RNF41: variants seen among roughly 807,000 people sequenced by gnomAD.
The protein encoded by RNF41 is E3 ubiquitin-protein ligase NRDP1.
Under a neutral mutation model 33.0 loss-of-function variants are expected in RNF41, and 4 were observed. That is an observed-to-expected ratio of 0.12 (90% confidence interval 0.06 to 0.28). RNF41 has a LOEUF of 0.28. Ranked by LOEUF, RNF41 falls within the 10% of genes least tolerant of loss-of-function variation. The pLI is 1.00. For missense variants in RNF41, 228 were observed against 432.6 expected, an observed-to-expected ratio of 0.53 and a Z score of 4.19; for synonymous variants, 164 against 153.2, an observed-to-expected ratio of 1.07 and a Z score of -0.52.
In RNF41 at chr12:56,210,473, G is replaced by A. The variant is rs746257327; in HGVS notation, c.186C>T (p.Val62=). ...TCPVDRSVVT[V]AHLRPVPRIM... ...TCCGAGGTACTGGGCGCAGATGGGC[G>A]ACCGTCACAACACTACGGTCCACTG... Residue 62 remains valine (V), a synonymous_variant, in exon 4 of 7, where the codon GTC becomes GTT. Coordinates refer to ENST00000345093, the MANE Select transcript of RNF41 (RefSeq NM_005785.4). The A allele has an allele frequency of 2.2e-5, 35 of 1,614,074 alleles. No individual in the cohort carries two copies. Among genetic ancestry groups the A allele is most frequent in the East Asian group, 4.5e-5 (2 of 44,896 alleles).
At chr12:56,213,806 G>A in intron 3 of RNF41, 152 bp downstream of exon 3, 1 of 638,112 alleles carries the variant, frequency 1.6e-6, no homozygotes, top group Non-Finnish European at 2.8e-6. Flanking sequence ...TATTCTTGTA[G>A]TCACCATTAC....
intron 4 of RNF41, among the ~76,000 whole-genome samples, chr12:56,209,101 G>A (rs926148509): frequency 2.0e-5 from 3 of 151,674 alleles, no homozygotes; most frequent in Non-Finnish European, 4.4e-5. Flanking sequence ...CTGACCTCAG[G>A]TGATCCGCCC....
chr12:56,207,063 C>CG, intron 6 of RNF41: 2 of 1,320,882 alleles, frequency 1.5e-6, no homozygotes, highest in Non-Finnish European at 2.0e-6. Flanking sequence ...GCACATATAG[C>CG]GCCTAACACA....
chr12:56,214,608 G>C (rs555919285), intron 2 of RNF41, among the ~76,000 whole-genome samples: 29 of 147,736 alleles, frequency 2.0e-4, no homozygotes, highest in Non-Finnish European at 2.8e-4. Context: ...ACAGGCAGAT[G>C]AGCTGAGGTC....
chr12:56,209,752 CG>C (rs1868358506), intron 4 of RNF41, among the ~76,000 whole-genome samples: 1 of 152,182 alleles, frequency 6.6e-6, no homozygotes, highest in East Asian at 1.9e-4. Flanking sequence ...CCACCGCGCC[CG>C]GCCCCACACC....
At chr12:56,220,765 T>C (rs1869339555) in intron 1 of RNF41, among the ~76,000 whole-genome samples, 1 of 151,754 alleles carries the variant, frequency 6.6e-6, no homozygotes. Context: ...AAAATAAATT[T>C]AGAGTACTGA....
At position 56,206,438 on chromosome 12, in the gene RNF41, C is replaced by T. The variant is rs1447587565; in HGVS notation, c.*9G>A. On this transcript the variant is annotated 3_prime_UTR_variant, in exon 7 of 7. Coordinates refer to ENST00000345093, the MANE Select transcript of RNF41 (RefSeq NM_005785.4). The surrounding 1 kb of genome is among the most constrained non-coding windows in gnomAD (Gnocchi z 5.7). ...TTTCCATCTCTTCCTGATAGCCAGT[C>T]GAGTTCTCTTATATCTCTTCCACGC... The T allele has an allele frequency of 8.8e-6, 14 of 1,593,522 alleles. No homozygotes were observed. Among genetic ancestry groups the T allele is most frequent in the South Asian group, 2.3e-5 (2 of 88,550 alleles).
intron 6 of RNF41, chr12:56,207,246 C>T: frequency 7.5e-7 from 1 of 1,327,360 alleles, no homozygotes; most frequent in East Asian, 4.9e-5. Context: ...CTTGTTTTTG[C>T]TGCATTTTAG....
rs887474809 is a variant in RNF41 at position 56,205,559 on chromosome 12, T to C, written c.*888A>G. 1.7e-5 allele frequency: 2 copies of C among 119,780 alleles called. No individual in the cohort carries two copies. The highest frequency in any genetic ancestry group is 6.8e-5 in the African/African-American group (2 of 29,272). The allele number at this position is 119,780 out of a possible 1,614,324, so 7.4% of individuals were successfully genotyped here. ...GAGATAGCCATGATCAGGCCATTCTTAAAAAAAAGAGGGGGGGGGGCAGTA... is the reference window on the plus strand; with the variant it reads ...GAGATAGCCATGATCAGGCCATTCTCAAAAAAAAGAGGGGGGGGGGCAGTA... On this transcript the variant is annotated 3_prime_UTR_variant, in exon 7 of 7. Transcript: ENST00000345093.
intron 1 of RNF41, 87 bp downstream of exon 1, chr12:56,221,673 A>T (rs1405023577): frequency 6.6e-6 from 1 of 150,466 alleles, no homozygotes; most frequent in Non-Finnish European, 1.5e-5. Flanking sequence ...AGTTATTTCA[A>T]CCCCCCGCCC....
In RNF41 at chr12:56,207,686, G is replaced by T; in HGVS notation, c.562C>A (p.Gln188Lys). Residue 188 changes from glutamine to lysine, a missense_variant, in exon 6 of 7, where the codon CAG (glutamine) becomes AAG (lysine). Physicochemically the swap from Gln to Lys is moderately conservative, Grantham distance 53. This residue lies in a region of RNF41 where 199 missense variants were observed against 334.6 expected (regional missense o/e 0.59). Transcript: ENST00000345093. ...TATTCAATTGTCTCCTCCAGGTTCT[G>T]AAGGTTGGGGTTGACACTGCGGATT... is the stretch of plus-strand genomic sequence containing the variant. ...RAIRSVNPNL[Q>K]NLEETIEYNE... 1 of 1,614,186 alleles carries T rather than the reference G, an allele frequency of 6.2e-7. No homozygotes were observed. Among genetic ancestry groups the T allele is most frequent in the Non-Finnish European group, 8.5e-7 (1 of 1,179,990 alleles).
At chr12:56,219,195 A>ATTTT (rs1300553805) in intron 1 of RNF41, among the ~76,000 whole-genome samples, 8 of 135,942 alleles carry the variant, frequency 5.9e-5, no homozygotes, top group African/African-American at 5.3e-5. Context: ...TTATTTATTT[A>ATTTT]TTTATTTTTT....
intron 4 of RNF41, 164 bp downstream of exon 4, chr12:56,210,133 A>G: frequency 2.9e-6 from 2 of 682,342 alleles, no homozygotes; most frequent in Non-Finnish European, 4.8e-6. Context: ...TAGTTGGAAA[A>G]GCAGCAAGAA....
At chr12:56,210,199 C>G in intron 4 of RNF41, 98 bp downstream of exon 4, 1 of 1,356,964 alleles carries the variant, frequency 7.4e-7, no homozygotes, top group Non-Finnish European at 1.0e-6. Context: ...TGCCAACATG[C>G]CAAAGAGACC....
At chr12:56,219,229 T>C (rs1869149309) in intron 1 of RNF41, among the ~76,000 whole-genome samples, 1 of 150,922 alleles carries the variant, frequency 6.6e-6, no homozygotes, top group Non-Finnish European at 1.5e-5. Context: ...TCTGGCTCTG[T>C]CACCCAGGCT....
chr12:56,209,963 G>A (rs1868366301), intron 4 of RNF41: 1 of 310,404 alleles, frequency 3.2e-6, no homozygotes, highest in Non-Finnish European at 6.1e-6. Context: ...AGGGCAAGAG[G>A]AAATATGAGA....
chr12:56,211,665 G>A (rs1392162108), intron 3 of RNF41, among the ~76,000 whole-genome samples: 4 of 151,976 alleles, frequency 2.6e-5, no homozygotes, highest in Non-Finnish European at 5.9e-5. Flanking sequence ...CATATTTACT[G>A]GCAAAAATTC....
At chr12:56,208,901 G>C (rs1868333799) in intron 4 of RNF41, among the ~76,000 whole-genome samples, 1 of 138,540 alleles carries the variant, frequency 7.2e-6, no homozygotes, top group Non-Finnish European at 1.5e-5. Flanking sequence ...TTTCACTCTT[G>C]TCACCCAGGC....
At position 56,214,023 on chromosome 12, in the gene RNF41, G is replaced by T; in HGVS notation, c.25C>A (p.Gln9Lys). Residue 9 changes from glutamine to lysine, a missense_variant, in exon 3 of 7, where the codon CAG becomes AAG. Coordinates refer to ENST00000345093, the MANE Select transcript of RNF41 (RefSeq NM_005785.4). MGYDVTRF[Q>K]GDVDEDLICP... Reference sequence around the variant, plus strand: ...ATAAGATCTTCGTCAACATCCCCCTGGAAACGGGTTACATCATACCCCATG... The same window carrying T: ...ATAAGATCTTCGTCAACATCCCCCTTGAAACGGGTTACATCATACCCCATG... The T allele has an allele frequency of 6.2e-7, 1 of 1,613,784 alleles. No individual in the cohort carries two copies. Among genetic ancestry groups the T allele is most frequent in the South Asian group, 1.1e-5 (1 of 91,076 alleles).
Sources: gnomAD v4.1 joint callset for allele counts (sites outside exome capture counted in the v4.1 genomes callset) on GRCh38, gnomAD v4.1.1 for gene constraint, gnomAD v4.1.1 regional missense constraint, Gnocchi (gnomAD v3.1) non-coding constraint, MANE v1.5 for transcripts, NCBI Gene and HGNC (gene_info 2026-07-23, HGNC 2026-07-21) for gene names.